Variants in PDGFD observed in about 807,000 individuals in gnomAD.
PDGFD encodes platelet-derived growth factor D.
PDGFD carries 30 observed loss-of-function variants against 44.7 expected under a neutral mutation model. That is an observed-to-expected ratio of 0.67 (90% CI 0.50 to 0.91). The LOEUF (loss-of-function observed/expected upper bound fraction) is 0.91, where lower values mean the gene tolerates loss of function less well. Ranked by LOEUF, PDGFD falls within the 40% of genes least tolerant of loss-of-function variation. The pLI is 0.00. For missense variants in PDGFD, 445 were observed against 457.8 expected (o/e 0.97, Z 0.25); for synonymous variants, 173 against 168.4 (o/e 1.03, Z -0.21).
intron 1 of PDGFD, among the ~76,000 whole-genome samples, chr11:104,019,492 AT>A (rs546560002): frequency 1.6e-4 from 24 of 152,218 alleles, no homozygotes; most frequent in Non-Finnish European, 8.8e-5. Context: ...ACCAAAAACT[AT>A]TAACATATTT....
At chr11:104,046,343 A>G (rs966894525) in intron 1 of PDGFD, among the ~76,000 whole-genome samples, 2 of 147,658 alleles carry the variant, frequency 1.4e-5, no homozygotes, top group Non-Finnish European at 3.0e-5. Context: ...AAAATTATAT[A>G]TGTAAGAGCC....
At chr11:104,003,614 T>C (rs921556098) in intron 1 of PDGFD, among the ~76,000 whole-genome samples, 3 of 152,226 alleles carry the variant, frequency 2.0e-5, no homozygotes, top group Non-Finnish European at 4.4e-5. Flanking sequence ...TGTGGTATTA[T>C]TGATACTCAA....
intron 3 of PDGFD, among the ~76,000 whole-genome samples, chr11:103,989,854 T>G (rs1859424799): frequency 6.6e-6 from 1 of 152,182 alleles, no homozygotes; most frequent in African/African-American, 2.4e-5. Context: ...CCATGCACTA[T>G]GATAAAACAT....
rs1565317444 is a variant in PDGFD, at chr11:104,037,643, A to C, written c.125-37388T>G. 6.2e-7 allele frequency: 1 copy of C among 1,614,120 alleles called. No homozygotes were observed. Among genetic ancestry groups the C allele is most frequent in the Admixed American group, 1.7e-5 (1 of 60,014 alleles). ...ACCATTATGAGCCAGGCTTGTGCCG[A>C]GCGATGTAACATCATGAGGCTGGTG... On this transcript the variant is annotated intron_variant, in intron 1 of 6. Coordinates refer to ENST00000393158, the MANE Select transcript of PDGFD (RefSeq NM_025208.5).
chr11:104,100,965 G>T (rs1861368506), intron 1 of PDGFD, among the ~76,000 whole-genome samples: 1 of 152,020 alleles, frequency 6.6e-6, no homozygotes, highest in African/African-American at 2.4e-5. Context: ...AATAATAAGA[G>T]CTATTTATGA....
At chr11:104,107,805 G>T (rs1466813884) in intron 1 of PDGFD, among the ~76,000 whole-genome samples, 1 of 152,010 alleles carries the variant, frequency 6.6e-6, no homozygotes, top group Non-Finnish European at 1.5e-5. Context: ...TATTTGTGAG[G>T]GTTCAGTGAC....
chr11:104,149,151 C>G (rs958693653), intron 1 of PDGFD, among the ~76,000 whole-genome samples: 1 of 152,130 alleles, frequency 6.6e-6, no homozygotes, highest in African/African-American at 2.4e-5. Flanking sequence ...TCCTAAACTC[C>G]AAATTTCCAG....
chr11:104,153,525 C>G (rs1048708036), intron 1 of PDGFD, among the ~76,000 whole-genome samples: 1 of 152,120 alleles, frequency 6.6e-6, no homozygotes, highest in South Asian at 2.1e-4. Flanking sequence ...GAAGGCTACA[C>G]AGAGTGGTGC....
intron 6 of PDGFD, among the ~76,000 whole-genome samples, chr11:103,916,551 C>T (rs7124650): frequency 0.048 from 7,368 of 152,124 alleles, 285 homozygotes; most frequent in African/African-American, 0.1. Flanking sequence ...GGATCTAGAA[C>T]CAGAAATATC....
At chr11:104,130,000 GA>G (rs34312271) in intron 1 of PDGFD, among the ~76,000 whole-genome samples, 229 of 128,596 alleles carry the variant, frequency 1.8e-3, no homozygotes, top group African/African-American at 3.7e-3. Context: ...CAAGACCTCT[GA>G]AAAAAAAAAA....
chr11:104,149,499 G>A (rs1027960150), intron 1 of PDGFD, among the ~76,000 whole-genome samples: 1 of 152,102 alleles, frequency 6.6e-6, no homozygotes, highest in African/African-American at 2.4e-5. Flanking sequence ...TGTTAGTAGT[G>A]GTAGGTTAAG....
chr11:104,036,739 G>A, intron 1 of PDGFD: 1 of 1,059,630 alleles, frequency 9.4e-7, no homozygotes, highest in Non-Finnish European at 1.4e-6. Flanking sequence ...CTGAGGAGCA[G>A]CGGCACCAAC....
Position 103,987,173 on chromosome 11 carries a change from G to A in PDGFD, c.510+8892C>T, listed in dbSNP as rs139116103. Among the ~76,000 whole-genome samples, 286 of 151,408 alleles carry A rather than the reference G, an allele frequency of 1.9e-3. 7 individuals carry two copies. In the East Asian group the frequency reaches 0.029, roughly 16 times the overall value. On this transcript the variant is annotated intron_variant, in intron 3 of 6. Coordinates refer to ENST00000393158, the MANE Select transcript of PDGFD (RefSeq NM_025208.5). ...TCTGGTCTTCCATACAGCTGGCTCT[G>A]TGTGAATTAAGCTCTTTCTCTATTA...
intron 1 of PDGFD, among the ~76,000 whole-genome samples, chr11:104,053,617 A>C (rs1254150768): frequency 6.6e-6 from 1 of 152,224 alleles, no homozygotes; most frequent in Non-Finnish European, 1.5e-5. Flanking sequence ...ATATAAAACC[A>C]AATTGCATTC....
chr11:104,087,021 CTTTTTTTTTT>C (rs528848924), intron 1 of PDGFD, among the ~76,000 whole-genome samples: 9 of 103,198 alleles, frequency 8.7e-5, no homozygotes, highest in East Asian at 8.6e-4. Flanking sequence ...GGCTCTTAGT[CTTTTTTTTTT>C]TTTTTTTTTT....
chr11:104,157,152 T>G (rs903256668), intron 1 of PDGFD, among the ~76,000 whole-genome samples: 4 of 152,212 alleles, frequency 2.6e-5, no homozygotes, highest in Non-Finnish European at 5.9e-5. Context: ...TAATATCTGC[T>G]GTGCTGAGCG....
chr11:104,075,296 T>A (rs1233302345), intron 1 of PDGFD, among the ~76,000 whole-genome samples: 1 of 152,112 alleles, frequency 6.6e-6, no homozygotes, highest in Non-Finnish European at 1.5e-5. Flanking sequence ...AATGAACCAT[T>A]AGCTGTATTT....
At chr11:103,925,716 C>CACACAT (rs1198529368) in intron 6 of PDGFD, among the ~76,000 whole-genome samples, 119 of 122,774 alleles carry the variant, frequency 9.7e-4, no homozygotes, top group Admixed American at 2.4e-3. Flanking sequence ...CACACACACA[C>CACACAT]ATATATATAT....
At chr11:103,999,156 T>C (rs534357762) in intron 2 of PDGFD, among the ~76,000 whole-genome samples, 3 of 152,094 alleles carry the variant, frequency 2.0e-5, no homozygotes, top group Non-Finnish European at 4.4e-5. Context: ...AATAGCAACA[T>C]AATAAAAGCT....
Sources: allele counts gnomAD v4.1 joint callset (sites outside exome capture counted in the v4.1 genomes callset), GRCh38; gene constraint gnomAD v4.1.1; transcripts MANE v1.5; gene names NCBI Gene and HGNC (gene_info 2026-07-23, HGNC 2026-07-21).